The following CCDC81 variants were observed in gnomAD, a reference collection of about 807,000 sequenced individuals.
CCDC81 encodes coiled-coil domain containing 81, also known as coiled-coil domain-containing protein 81.
Under a neutral mutation model 83.7 loss-of-function variants are expected in CCDC81, and 79 were observed. The observed-to-expected ratio is 0.94, with a 90% CI of 0.79 to 1.14. The LOEUF (loss-of-function observed/expected upper bound fraction) is 1.14, where lower values mean the gene tolerates loss of function less well. Ranked by LOEUF, CCDC81 falls within the 50% of genes most tolerant of loss-of-function variation. The pLI is 0.00. For synonymous variants in CCDC81, 252 were observed against 278.1 expected, an observed-to-expected ratio of 0.91 and a Z score of 0.93; for missense variants, 791 against 778.1, an observed-to-expected ratio of 1.02 and a Z score of -0.20.
rs1309298109 is a variant in CCDC81, at chr11:86,422,575, G to A, written c.1819G>A (p.Ala607Thr). 1 of 1,613,302 alleles carries A rather than the reference G, an allele frequency of 6.2e-7. No homozygotes were observed. Among genetic ancestry groups the A allele is most frequent in the South Asian group, 1.1e-5 (1 of 90,976 alleles). ...CGGCATTTGCTCTCCTCTCCTCAGG[G>A]CTTCAGACAAGCTGTTTCTCCTAGA... ...RDLEDKAFER[A>T]SDKLFLLDQC... The change falls in exon 15 of 15, where the codon GCT becomes ACT. Residue 607 changes from alanine to threonine, a missense_variant and splice_region_variant. Physicochemically the swap from Ala to Thr is moderately conservative, Grantham distance 58. Coordinates refer to ENST00000445632, the MANE Select transcript of CCDC81 (RefSeq NM_001156474.2).
At chr11:86,386,868 G>A (rs1446007779) in intron 2 of CCDC81, among the ~76,000 whole-genome samples, 1 of 152,140 alleles carries the variant, frequency 6.6e-6, no homozygotes, top group Non-Finnish European at 1.5e-5. Context: ...CTCAAGATGT[G>A]CTCTCCCCTT....
chr11:86,412,226 T>C (rs76417227), intron 10 of CCDC81, among the ~76,000 whole-genome samples, 161 bp from the exon 11 acceptor site: 2,071 of 152,354 alleles, frequency 0.014, 21 homozygotes, highest in Middle Eastern at 0.031. Context: ...AACACACTCA[T>C]ATGATTCTAT....
At position 86,399,581 on chromosome 11, in the gene CCDC81, GT is replaced by G. The variant is rs1313154904; in HGVS notation, c.758-1095del. Reference sequence around the variant, plus strand: ...TCTGCCCACCTCGGCCTCCCAAAGTGTTGGGATTACAGGCGTGAGCCACTAT... The same window carrying G: ...TCTGCCCACCTCGGCCTCCCAAAGTGTGGGATTACAGGCGTGAGCCACTAT... On this transcript the variant is annotated intron_variant, in intron 6 of 14. Coordinates refer to ENST00000445632, the MANE Select transcript of CCDC81 (RefSeq NM_001156474.2). 3.3e-5 allele frequency among the ~76,000 whole-genome samples: 5 copies of G among 152,056 alleles called. No individual in the cohort carries two copies. The East Asian group carries it at 9.7e-4, about 29-fold the overall frequency.
At chr11:86,401,777 T>C (rs545874112) in intron 7 of CCDC81, among the ~76,000 whole-genome samples, 50 of 152,168 alleles carry the variant, frequency 3.3e-4, no homozygotes, top group African/African-American at 1.2e-3. Context: ...AGAGTAATTG[T>C]TGGAAGTGGT....
intron 9 of CCDC81, among the ~76,000 whole-genome samples, chr11:86,408,673 T>C (rs1444086806): frequency 6.6e-6 from 1 of 152,150 alleles, no homozygotes; most frequent in East Asian, 1.9e-4. Flanking sequence ...TGTTCCATCA[T>C]ATGTCTGTAC....
At chr11:86,414,064 A>G (rs192734488) in intron 11 of CCDC81, among the ~76,000 whole-genome samples, 6 of 152,350 alleles carry the variant, frequency 3.9e-5, no homozygotes, top group Non-Finnish European at 7.3e-5. Context: ...GAAGTTACAT[A>G]TAATAGAACC....
intron 9 of CCDC81, among the ~76,000 whole-genome samples, 180 bp downstream of exon 9, chr11:86,408,450 C>T (rs1303073126): frequency 6.6e-6 from 1 of 152,210 alleles, no homozygotes; most frequent in Non-Finnish European, 1.5e-5. Flanking sequence ...CCTTCGACCT[C>T]AGCCTCCAGA....
At chr11:86,396,716 G>A (rs1207040273) in intron 5 of CCDC81, among the ~76,000 whole-genome samples, 1 of 152,148 alleles carries the variant, frequency 6.6e-6, no homozygotes, top group Non-Finnish European at 1.5e-5. Context: ...AAGCAGCCAA[G>A]CTTATAGAAA....
chr11:86,418,395 T>A (rs921228815), intron 13 of CCDC81, among the ~76,000 whole-genome samples: 3 of 152,198 alleles, frequency 2.0e-5, no homozygotes, highest in African/African-American at 7.2e-5. Flanking sequence ...TCAAAAGATA[T>A]CTGTACAGCC....
At chr11:86,409,191 T>A (rs758566586) in intron 9 of CCDC81, 70 bp from the exon 10 acceptor site, 8 of 719,050 alleles carry the variant, frequency 1.1e-5, no homozygotes, top group Non-Finnish European at 1.7e-5. Context: ...AGAATTAAAA[T>A]TTTTGGGGGC....
chr11:86,394,226 G>A (rs1265299615), intron 4 of CCDC81, among the ~76,000 whole-genome samples: 1 of 152,228 alleles, frequency 6.6e-6, no homozygotes, highest in Non-Finnish European at 1.5e-5. Context: ...GTTTAAAAGA[G>A]AAGACAGCAT....
At chr11:86,417,096 T>C (rs985521803) in intron 13 of CCDC81, among the ~76,000 whole-genome samples, 2 of 151,920 alleles carry the variant, frequency 1.3e-5, no homozygotes, top group Non-Finnish European at 2.9e-5. Flanking sequence ...ATACAAAAAT[T>C]AGCTGGGCGT....
At chr11:86,402,134 C>CAAAAA (rs540502448) in intron 7 of CCDC81, among the ~76,000 whole-genome samples, 19 of 89,026 alleles carry the variant, frequency 2.1e-4, no homozygotes, top group African/African-American at 3.2e-4. Context: ...GACTCTGTCT[C>CAAAAA]AAAAAAAAAA....
chr11:86,399,563 A>G (rs1593923864), intron 6 of CCDC81, among the ~76,000 whole-genome samples: 1 of 151,934 alleles, frequency 6.6e-6, no homozygotes, highest in Non-Finnish European at 1.5e-5. Context: ...CGATCTGCCC[A>G]CCTCGGCCTC....
chr11:86,386,943 C>G (rs146246688), intron 2 of CCDC81, among the ~76,000 whole-genome samples: 197 of 152,258 alleles, frequency 1.3e-3, no homozygotes, highest in African/African-American at 4.4e-3. Context: ...CTCTTGCTTT[C>G]TTTTTTGGCT....
At chr11:86,406,015 G>A (rs192287567) in intron 7 of CCDC81, among the ~76,000 whole-genome samples, 3 of 152,090 alleles carry the variant, frequency 2.0e-5, no homozygotes, top group Non-Finnish European at 4.4e-5. Context: ...CACCTGCCTC[G>A]GCCTCCCAAA....
Position 86,378,262 on chromosome 11 carries a change from T to C in CCDC81, c.79+3020T>C, listed in dbSNP as rs777762929. 1.2e-4 allele frequency among the ~76,000 whole-genome samples: 18 copies of C among 152,294 alleles called. 1 individual carries two copies. Among genetic ancestry groups the C allele is most frequent in the Admixed American group, 5.9e-4 (9 of 15,298 alleles). On this transcript the variant is annotated intron_variant, in intron 1 of 14. Transcript: ENST00000445632. ...CTAGATGCATATTATTTAGTCCCCA[T>C]GTATTTTGGGATTTTCCACTTATCT...
chr11:86,375,085 A>C lies in CCDC81; in HGVS notation c.-79A>C. ...GTGGAGAAGGGGCTGGAGGGTGGGA[A>C]AATTATTTTTGTGCACATTCCATAT... On this transcript the variant is annotated 5_prime_UTR_variant, in exon 1 of 15. Coordinates refer to ENST00000445632, the MANE Select transcript of CCDC81 (RefSeq NM_001156474.2). 7.7e-7 allele frequency: 1 copy of C among 1,291,952 alleles called. No individual in the cohort carries two copies. Among genetic ancestry groups the C allele is most frequent in the Non-Finnish European group, 1.1e-6 (1 of 888,072 alleles). The allele number at this position is 1,291,952 out of a possible 1,614,324, so 80.0% of individuals were successfully genotyped here. A position where few individuals can be genotyped will look rare whatever the true frequency, so the allele number is the denominator to read the frequency against.
chr11:86,406,484 A>G (rs535999898), intron 7 of CCDC81, among the ~76,000 whole-genome samples: 1 of 152,250 alleles, frequency 6.6e-6, no homozygotes, highest in East Asian at 1.9e-4. Context: ...GAGCTTCTGA[A>G]TCTGTTCTCT....
Sources: gnomAD v4.1 joint callset for allele counts (sites outside exome capture counted in the v4.1 genomes callset) on GRCh38, gnomAD v4.1.1 for gene constraint, MANE v1.5 for transcripts, NCBI Gene and HGNC (gene_info 2026-07-23, HGNC 2026-07-21) for gene names.